The following ZER1 variants were observed in gnomAD, a reference collection of about 807,000 sequenced individuals.
The protein encoded by ZER1 is protein zer-1 homolog.
Under a neutral mutation model 78.8 loss-of-function variants are expected in ZER1, and 11 were observed. The ratio of observed to expected loss-of-function variants is 0.14; its 90% CI spans 0.09 to 0.23. ZER1 has a LOEUF of 0.23. Among genes scored for constraint, ZER1 ranks in the 10% least tolerant of loss-of-function variants. The pLI is 1.00. For synonymous variants in ZER1, 400 were observed against 407.0 expected (o/e 0.98, Z 0.21); for missense variants, 588 against 996.9 (o/e 0.59, Z 5.52).
intron 1 of ZER1, among the ~76,000 whole-genome samples, chr9:128,758,861 G>A (rs941055375): frequency 6.6e-5 from 10 of 152,254 alleles, no homozygotes; most frequent in Middle Eastern, 3.4e-3. Context: ...GTGGTTACCC[G>A]GGGAGGTGAT....
At chr9:128,765,212 TACACACAC>T (rs60923356) in intron 1 of ZER1, among the ~76,000 whole-genome samples, 23,905 of 149,682 alleles carry the variant, frequency 0.16, 2,136 homozygotes, top group African/African-American at 0.26. Flanking sequence ...CATGCACATG[TACACACAC>T]ACACACACAC....
intron 1 of ZER1, among the ~76,000 whole-genome samples, chr9:128,765,669 T>C (rs1864184861): frequency 6.6e-6 from 1 of 152,168 alleles, no homozygotes; most frequent in South Asian, 2.1e-4. Context: ...AATATTAACC[T>C]AGGAGCTGGG....
intron 13 of ZER1, among the ~76,000 whole-genome samples, chr9:128,735,784 T>G (rs1281760651): frequency 1.5e-5 from 2 of 136,836 alleles, no homozygotes; most frequent in Non-Finnish European, 3.1e-5. Flanking sequence ...TTTTTTTTTT[T>G]TTTTTTTTTG....
At chr9:128,731,935 C>T (rs1347092150) in intron 15 of ZER1, among the ~76,000 whole-genome samples, 2 of 152,220 alleles carry the variant, frequency 1.3e-5, no homozygotes, top group Non-Finnish European at 2.9e-5. Context: ...TTTCGAGTCT[C>T]GCCCGCCCCA....
chr9:128,740,221 T>G lies in ZER1; in HGVS notation c.1854-102A>C, dbSNP rs1003439883. 8 of 1,151,476 alleles carry G rather than the reference T, an allele frequency of 6.9e-6. No individual in the cohort carries two copies. The Admixed American group carries it at 1.8e-4, about 26-fold the overall frequency. 71.3% of individuals were successfully genotyped at this position (1,151,476 alleles called of 1,614,324 possible). On this transcript the variant is annotated intron_variant, in intron 12 of 15. Transcript: ENST00000291900. This position sits in a 1 kb window ranked among gnomAD's most constrained non-coding sequence, Gnocchi z 4.4. ...TAAAACCAGAAGCAAGAGGTGCTAC[T>G]TATTTCTTTATCCCATATCGTCTAT... is the stretch of plus-strand genomic sequence containing the variant.
Position 128,739,948 on chromosome 9 carries a change from C to T in ZER1, c.2025G>A (p.Arg675=), listed in dbSNP as rs772668512. The part of the protein sequence containing the change: ...AAIQSWDINS[R]RNINYRSFEP... ...GCCCACACCTGTAATTGATGTTTCT[C>T]CGAGAGTTTATGTCCCAGCTCTGGA... Residue 675 remains arginine (R), a synonymous_variant, in exon 13 of 16, where the codon CGG becomes CGA. Coordinates refer to ENST00000291900, the MANE Select transcript of ZER1 (RefSeq NM_006336.4). The T allele has an allele frequency of 1.2e-6, 2 of 1,609,530 alleles. No homozygotes were observed. The highest frequency in any genetic ancestry group is 1.7e-5 in the Admixed American group (1 of 59,914).
rs184431033 is a variant in ZER1 at position 128,749,257 on chromosome 9, G to A, written c.1359+1359C>T. Among the ~76,000 whole-genome samples, 448 of 151,492 alleles carry A rather than the reference G, an allele frequency of 3.0e-3. 1 individual carries two copies. Among genetic ancestry groups the A allele is most frequent in the Admixed American group, 8.8e-3 (134 of 15,202 alleles). On this transcript the variant is annotated intron_variant, in intron 8 of 15. Coordinates refer to ENST00000291900, the MANE Select transcript of ZER1 (RefSeq NM_006336.4). ...GCAGGAGGATCACTTGAACTCAGGA[G>A]GCAGAGATTGCAGTGAGCCAAGATT...
At position 128,755,802 on chromosome 9, in the gene ZER1, T is replaced by G. The variant is rs1256218311; in HGVS notation, c.-94-143A>C. The G allele has an allele frequency of 5.3e-6, 3 of 562,952 alleles. No individual in the cohort carries two copies. Among genetic ancestry groups the G allele is most frequent in the Non-Finnish European group, 9.4e-6 (3 of 319,586 alleles). 34.9% of individuals were successfully genotyped at this position (562,952 alleles called of 1,614,324 possible). On this transcript the variant is annotated intron_variant, in intron 1 of 15. Coordinates refer to ENST00000291900, the MANE Select transcript of ZER1 (RefSeq NM_006336.4). This position sits in a 1 kb window ranked among gnomAD's most constrained non-coding sequence, Gnocchi z 5.6. ...GGCCAGGCCCAGGTCTCCTGACTCC[T>G]TCTTTCACCCGCCTCTGCTGTGCCA...
At chr9:128,765,624 A>T (rs1864183537) in intron 1 of ZER1, among the ~76,000 whole-genome samples, 1 of 152,192 alleles carries the variant, frequency 6.6e-6, no homozygotes, top group African/African-American at 2.4e-5. Context: ...GGGGAGCCAG[A>T]AGCTCTGAGC....
intron 8 of ZER1, among the ~76,000 whole-genome samples, chr9:128,746,321 C>G (rs1328571990): frequency 6.6e-6 from 1 of 152,168 alleles, no homozygotes; most frequent in Non-Finnish European, 1.5e-5. Context: ...GTGCTCTTCC[C>G]TATCTTTGCA....
At chr9:128,769,335 T>A (rs1398026049) in intron 1 of ZER1, among the ~76,000 whole-genome samples, 1 of 152,234 alleles carries the variant, frequency 6.6e-6, no homozygotes, top group Non-Finnish European at 1.5e-5. Flanking sequence ...GAGCACTTTG[T>A]GTGAAATACT....
chr9:128,762,575 T>C (rs1385101586), intron 1 of ZER1, among the ~76,000 whole-genome samples: 8 of 152,316 alleles, frequency 5.3e-5, no homozygotes, highest in East Asian at 1.9e-4. Flanking sequence ...GAAGATTCCA[T>C]GGAATAATAT....
intron 1 of ZER1, among the ~76,000 whole-genome samples, chr9:128,768,978 C>T (rs751921973): frequency 3.3e-5 from 5 of 151,894 alleles, no homozygotes; most frequent in African/African-American, 4.8e-5. Flanking sequence ...TAGGGTTTCC[C>T]TATGTTCTCC....
intron 1 of ZER1, among the ~76,000 whole-genome samples, chr9:128,759,685 C>G (rs113623368): frequency 0.05 from 7,613 of 151,742 alleles, 653 homozygotes; most frequent in African/African-American, 0.17. Flanking sequence ...GTCCCAGCTA[C>G]TTGGGAGGCT....
chr9:128,733,598 C>G (rs915263697), intron 14 of ZER1, 70 bp from the exon 15 acceptor site: 5 of 1,400,500 alleles, frequency 3.6e-6, no homozygotes, highest in Non-Finnish European at 5.0e-6. Flanking sequence ...CAGAAACCCA[C>G]CCTGTCTGTG....
intron 8 of ZER1, among the ~76,000 whole-genome samples, chr9:128,748,922 G>T (rs1863586120): frequency 1.4e-5 from 2 of 146,394 alleles, no homozygotes; most frequent in South Asian, 4.4e-4. Flanking sequence ...TGGCCAGGCT[G>T]GTCTCAAACT....
In ZER1 at chr9:128,752,819, G is replaced by C; in HGVS notation, c.777C>G (p.Ser259=). The change falls in exon 5 of 16, where the codon TCC becomes TCG. Residue 259 remains serine, a synonymous_variant. Transcript: ENST00000291900. The stretch of plus-strand genomic sequence containing the variant: ...GAGTCAGCTTGAACTTGTAGTAGCT[G>C]GAGAGGCGGTCTCGGGAGATGTCCA... ...RHLDISRDRL[S]SYYKFKLTRE... 2.5e-6 allele frequency: 4 copies of C among 1,614,138 alleles called. No individual in the cohort carries two copies. The highest frequency in any genetic ancestry group is 3.4e-6 in the Non-Finnish European group (4 of 1,180,000).
chr9:128,751,326 T>G lies in ZER1; in HGVS notation c.1039-58A>C. 1.9e-6 allele frequency: 3 copies of G among 1,607,770 alleles called. No individual in the cohort carries two copies. The highest frequency in any genetic ancestry group is 2.6e-6 in the Non-Finnish European group (3 of 1,175,274). On this transcript the variant is annotated intron_variant, in intron 6 of 15. Coordinates refer to ENST00000291900, the MANE Select transcript of ZER1 (RefSeq NM_006336.4). The surrounding 1 kb of genome is among the most constrained non-coding windows in gnomAD (Gnocchi z 5.4). ...AGAGGCCAAGGGCTGGGATGCCAGA[T>G]CCCAGCTCAGTCTCCAGCCCCAGAA...
intron 1 of ZER1, among the ~76,000 whole-genome samples, chr9:128,761,115 G>T (rs527600967): frequency 1.4e-4 from 20 of 141,816 alleles, no homozygotes; most frequent in Non-Finnish European, 2.3e-4. Context: ...CCGAGATCGC[G>T]CCACTGCACT....
Sources: allele counts gnomAD v4.1 joint callset (sites outside exome capture counted in the v4.1 genomes callset), GRCh38; gene constraint gnomAD v4.1.1; non-coding constraint Gnocchi (gnomAD v3.1); transcripts MANE v1.5; gene names NCBI Gene and HGNC (gene_info 2026-07-23, HGNC 2026-07-21).